CATSPER4: variants seen among roughly 807,000 people sequenced by gnomAD.
CATSPER4 encodes cation channel sperm-associated protein 4.
A neutral mutation model predicts 54.4 loss-of-function variants in CATSPER4; 46 were observed. The observed-to-expected ratio is 0.84, with a 90% confidence interval of 0.67 to 1.08. The LOEUF (loss-of-function observed/expected upper bound fraction) is 1.08, where lower values mean the gene tolerates loss of function less well. Ranked by LOEUF, CATSPER4 falls within the 50% of genes least tolerant of loss-of-function variation. The pLI is 0.00. For synonymous variants in CATSPER4, 230 were observed against 231.9 expected (o/e 0.99, Z 0.08); for missense variants, 574 against 612.8 (o/e 0.94, Z 0.67).
At chr1:26,199,380 C>T (rs2088979797) in intron 6 of CATSPER4, among the ~76,000 whole-genome samples, 1 of 151,066 alleles carries the variant, frequency 6.6e-6, no homozygotes, top group Non-Finnish European at 1.5e-5. Flanking sequence ...TGCGGTGAAC[C>T]CATATCACGC....
intron 2 of CATSPER4, among the ~76,000 whole-genome samples, chr1:26,192,469 A>C (rs996332583): frequency 6.6e-6 from 1 of 151,924 alleles, no homozygotes. Flanking sequence ...GGGCGCCTAT[A>C]ATCCCAGCCA....
chr1:26,200,496 G>A (rs1367815972), intron 7 of CATSPER4, among the ~76,000 whole-genome samples: 1 of 152,090 alleles, frequency 6.6e-6, no homozygotes, highest in Non-Finnish European at 1.5e-5. Flanking sequence ...GGAAAGGGGT[G>A]GAGTACTTCT....
At position 26,191,425 on chromosome 1, in the gene CATSPER4, G is replaced by A. The variant is rs138873095; in HGVS notation, c.352G>A (p.Asp118Asn). ...CGCTCTCCGTACCAACTCCTACCTG[G>A]ACCAGGTGGGATGCCAGCATGACCT... ...TIALRTNSYL[D>N]QKHYELFSTI... is the part of the protein sequence containing the mutation. The change falls in exon 2 of 10, where the codon GAC (aspartate) becomes AAC (asparagine). Residue 118 changes from aspartate (D) to asparagine (N), a missense_variant. Coordinates refer to ENST00000456354, the MANE Select transcript of CATSPER4 (RefSeq NM_198137.2). 67 of 1,614,134 alleles carry A rather than the reference G, an allele frequency of 4.2e-5. No homozygotes were observed. In the African/African-American group the frequency reaches 6.4e-4, roughly 15 times the overall value.
chr1:26,200,700 G>T, intron 7 of CATSPER4, 130 bp from the exon 8 acceptor site: 1 of 731,050 alleles, frequency 1.4e-6, no homozygotes. Context: ...GCTAAGATTG[G>T]TGAGAGCTGA....
chr1:26,202,396 C>A, intron 9 of CATSPER4, 93 bp from the exon 10 acceptor site: 3 of 1,140,250 alleles, frequency 2.6e-6, no homozygotes, highest in Non-Finnish European at 3.9e-6. Context: ...GGAGGCCTGG[C>A]TGGGGAAGCT....
chr1:26,202,703 G>A lies in CATSPER4; in HGVS notation c.*161G>A, dbSNP rs1442379432. On this transcript the variant is annotated 3_prime_UTR_variant, in exon 10 of 10. Transcript: ENST00000456354. ...GAAGGTGGCAGCACCTGCAGGTCTG[G>A]TGCCTGTGAGCCCCAGGTCCGGTGG... is the stretch of plus-strand genomic sequence containing the variant. The A allele has an allele frequency of 1.4e-6, 1 of 690,988 alleles. No homozygotes were observed. The highest frequency in any genetic ancestry group is 2.6e-6 in the Non-Finnish European group (1 of 384,350). 42.8% of individuals were successfully genotyped at this position (690,988 alleles called of 1,614,324 possible).
intron 7 of CATSPER4, 35 bp downstream of exon 7, chr1:26,200,093 G>A: frequency 6.2e-7 from 1 of 1,601,732 alleles, no homozygotes; most frequent in Non-Finnish European, 8.5e-7. Flanking sequence ...GGGAGGAAAA[G>A]GAGTGTGTAT....
intron 2 of CATSPER4, among the ~76,000 whole-genome samples, 169 bp downstream of exon 2, chr1:26,191,599 A>G (rs1369953830): frequency 6.6e-6 from 1 of 152,180 alleles, no homozygotes; most frequent in Non-Finnish European, 1.5e-5. Flanking sequence ...AGACTTCATG[A>G]TGGAGAGGGC....
Position 26,193,922 on chromosome 1 carries a change from C to T in CATSPER4, c.459+34C>T, listed in dbSNP as rs1456429201. On this transcript the variant is annotated intron_variant, in intron 3 of 9. Transcript: ENST00000456354. ...CTGAGCCCTTTGCCCCTACTTCCCC[C>T]TGGGGACTGCACACCACCCAGTCTG... The T allele has an allele frequency of 3.5e-6, 5 of 1,417,740 alleles. No individual in the cohort carries two copies. The South Asian group carries it at 4.6e-5, about 13-fold the overall frequency. The allele number at this position is 1,417,740 out of a possible 1,614,324, so 87.8% of individuals were successfully genotyped here. A position where few individuals can be genotyped will look rare whatever the true frequency, so the allele number is the denominator to read the frequency against.
chr1:26,193,549 A>C (rs1393824668), intron 2 of CATSPER4, among the ~76,000 whole-genome samples: 1 of 152,246 alleles, frequency 6.6e-6, no homozygotes, highest in Non-Finnish European at 1.5e-5. Flanking sequence ...AGACGGGAAT[A>C]AAACCTACTT....
chr1:26,201,817 G>A (rs1306735367), intron 9 of CATSPER4, among the ~76,000 whole-genome samples: 1 of 150,936 alleles, frequency 6.6e-6, no homozygotes, highest in Non-Finnish European at 1.5e-5. Context: ...AGCCTCCCAA[G>A]TAGCTGGGAT....
chr1:26,193,309 G>T (rs1216892709), intron 2 of CATSPER4, among the ~76,000 whole-genome samples: 1 of 152,110 alleles, frequency 6.6e-6, no homozygotes, highest in Non-Finnish European at 1.5e-5. Context: ...GCCTAACTTG[G>T]AGTATTTGGA....
intron 2 of CATSPER4, among the ~76,000 whole-genome samples, chr1:26,192,208 G>A (rs944093772): frequency 6.6e-6 from 1 of 150,944 alleles, no homozygotes; most frequent in African/African-American, 2.4e-5. Flanking sequence ...GCTCAATGCA[G>A]CCTTGAACTC....
chr1:26,192,292 T>TA (rs1445769199), intron 2 of CATSPER4, among the ~76,000 whole-genome samples: 5 of 151,730 alleles, frequency 3.3e-5, no homozygotes, highest in Non-Finnish European at 7.4e-5. Context: ...CATGCCTAAT[T>TA]AAAAAAATGT....
At chr1:26,190,987 G>A (rs2088860694) in intron 1 of CATSPER4, 147 bp downstream of exon 1, 6 of 784,188 alleles carry the variant, frequency 7.7e-6, no homozygotes, top group Non-Finnish European at 1.3e-5. Context: ...CCCATGATAT[G>A]TTAGTAACTC....
At position 26,190,838 on chromosome 1, in the gene CATSPER4, G is replaced by C. The variant is rs1162041897; in HGVS notation, c.211G>C (p.Ala71Pro). The C allele has an allele frequency of 1.2e-6, 2 of 1,606,792 alleles. No individual in the cohort carries two copies. Among genetic ancestry groups the C allele is most frequent in the African/African-American group, 2.7e-5 (2 of 74,772 alleles). Reference protein sequence around the residue: ...LINRQEITNKADAWDMQEFIT... With the variant: ...LINRQEITNKPDAWDMQEFIT... ...CAACCGCCAGGAAATCACGAACAAAGCGGTAAGGATAGCTCTCGCCCCACA... is the reference window on the plus strand; with the variant it reads ...CAACCGCCAGGAAATCACGAACAAACCGGTAAGGATAGCTCTCGCCCCACA... Residue 71 changes from alanine (A) to proline (P), a missense_variant and splice_region_variant, in exon 1 of 10, where the codon GCG becomes CCG. By Grantham distance (27) the Ala-to-Pro change is conservative. Coordinates refer to ENST00000456354, the MANE Select transcript of CATSPER4 (RefSeq NM_198137.2).
chr1:26,190,888 A>G, intron 1 of CATSPER4, 48 bp downstream of exon 1: 8 of 1,534,644 alleles, frequency 5.2e-6, no homozygotes, highest in Non-Finnish European at 7.1e-6. Flanking sequence ...AGCTGTGCTC[A>G]TGGGCAGCAG....
Position 26,191,277 on chromosome 1 carries a change from C to T in CATSPER4, c.214-10C>T. 12 of 1,613,972 alleles carry T rather than the reference C, an allele frequency of 7.4e-6. No homozygotes were observed. The highest frequency in any genetic ancestry group is 1.0e-5 in the Non-Finnish European group (12 of 1,180,004). On this transcript the variant is annotated splice_polypyrimidine_tract_variant and intron_variant, in intron 1 of 9. Transcript: ENST00000456354. ...ACACCTGCCTGAAGGAAGGTCCTGC[C>T]CTCTTCCAGGACGCCTGGGACATGC...
chr1:26,198,188 C>A, intron 5 of CATSPER4, 98 bp from the exon 6 acceptor site: 1 of 1,613,412 alleles, frequency 6.2e-7, no homozygotes, highest in Non-Finnish European at 8.5e-7. Flanking sequence ...GCCTGAATCC[C>A]TGTGATTTCC....
Sources: allele counts gnomAD v4.1 joint callset (sites outside exome capture counted in the v4.1 genomes callset), GRCh38; gene constraint gnomAD v4.1.1; transcripts MANE v1.5; gene names NCBI Gene and HGNC (gene_info 2026-07-23, HGNC 2026-07-21).